Variants in FBXO11 observed in about 807,000 individuals in gnomAD.
FBXO11 encodes F-box protein 11.
A neutral mutation model predicts 117.0 loss-of-function variants in FBXO11; 13 were observed. That is an observed-to-expected ratio of 0.11 (90% CI 0.07 to 0.18). The LOEUF (loss-of-function observed/expected upper bound fraction) is 0.18. Ranked by LOEUF, FBXO11 falls within the 10% of genes least tolerant of loss-of-function variation. FBXO11 has a pLI of 1.00. For synonymous variants in FBXO11, 490 were observed against 380.5 expected (o/e 1.29, Z -3.35); for missense variants, 767 against 1,164.4 (o/e 0.66, Z 4.97).
intron 1 of FBXO11, among the ~76,000 whole-genome samples, chr2:47,898,557 G>C (rs1277920593): frequency 6.6e-6 from 1 of 152,134 alleles, no homozygotes; most frequent in Non-Finnish European, 1.5e-5. Context: ...ACCCTTCTTT[G>C]TATAATGAGT....
At chr2:47,833,222 A>G in intron 7 of FBXO11, 152 bp from the exon 8 acceptor site, 1 of 609,340 alleles carries the variant, frequency 1.6e-6, no homozygotes, top group Non-Finnish European at 2.9e-6. Flanking sequence ...AGCCTTTGCT[A>G]TATTCAAATC....
rs531513517 is a variant in FBXO11, at chr2:47,819,763, A to C, written c.1797+599T>G. On this transcript the variant is annotated intron_variant, in intron 14 of 22. Coordinates refer to ENST00000403359, the MANE Select transcript of FBXO11 (RefSeq NM_001190274.2). ...CAAAATGATATGGCTTCATGTTCCC[A>C]AAATTTTTACTTTTAGCAGGTAACT... 3.3e-5 allele frequency among the ~76,000 whole-genome samples: 5 copies of C among 152,304 alleles called. No homozygotes were observed. The East Asian group carries it at 7.7e-4, about 23-fold the overall frequency.
intron 1 of FBXO11, among the ~76,000 whole-genome samples, chr2:47,847,619 G>A (rs1399658107): frequency 2.6e-5 from 4 of 152,044 alleles, no homozygotes; most frequent in Admixed American, 6.6e-5. Flanking sequence ...TAAGGCAGGA[G>A]AACCGCTTGA....
At chr2:47,821,890 A>G (rs2104729003) in intron 13 of FBXO11, among the ~76,000 whole-genome samples, 1 of 152,274 alleles carries the variant, frequency 6.6e-6, no homozygotes, top group African/African-American at 2.4e-5. Flanking sequence ...CCAGGAGTTC[A>G]AGACCAGCCT....
chr2:47,816,392 G>A (rs951608057), intron 16 of FBXO11, among the ~76,000 whole-genome samples: 1 of 152,058 alleles, frequency 6.6e-6, no homozygotes. Context: ...TGTTGCCCAG[G>A]CTGATCTTGA....
intron 1 of FBXO11, among the ~76,000 whole-genome samples, chr2:47,901,042 TACATATATAC>T (rs1364503443): frequency 1.5e-5 from 2 of 137,048 alleles, no homozygotes; most frequent in African/African-American, 5.3e-5. Context: ...CACACGTGTG[TACATATATAC>T]ACATATATAT....
intron 3 of FBXO11, 86 bp downstream of exon 3, chr2:47,839,333 G>GA: frequency 8.1e-7 from 1 of 1,230,024 alleles, no homozygotes; most frequent in Non-Finnish European, 1.2e-6. Context: ...GGTAATACTC[G>GA]AATACACTTA....
At position 47,807,521 on chromosome 2, in the gene FBXO11, TACTGGG is replaced by T. The variant is rs1013220641; in HGVS notation, c.*591_*596del. 4.8e-6 allele frequency: 1 copy of T among 210,406 alleles called. No homozygotes were observed. Among genetic ancestry groups the T allele is most frequent in the African/African-American group, 2.3e-5 (1 of 44,090 alleles). The allele number at this position is 210,406 out of a possible 1,614,324, so 13.0% of individuals were successfully genotyped here. A position where few individuals can be genotyped will look rare whatever the true frequency, so the allele number is the denominator to read the frequency against. On this transcript the variant is annotated 3_prime_UTR_variant, in exon 23 of 23. Transcript: ENST00000403359. Reference sequence around the variant, plus strand: ...TTCTCTTTCATAGAAAGAACGTACATACTGGGACATGAGTACAGTTACAGCAAGTCT... The same window carrying T: ...TTCTCTTTCATAGAAAGAACGTACATACATGAGTACAGTTACAGCAAGTCT...
At chr2:47,869,897 G>C (rs1161956956) in intron 1 of FBXO11, among the ~76,000 whole-genome samples, 2 of 152,092 alleles carry the variant, frequency 1.3e-5, no homozygotes, top group Non-Finnish European at 2.9e-5. Context: ...GGCTAGTCTT[G>C]AACTCCTGAC....
chr2:47,848,590 A>G (rs1673601865), intron 1 of FBXO11, among the ~76,000 whole-genome samples: 1 of 152,246 alleles, frequency 6.6e-6, no homozygotes, highest in South Asian at 2.1e-4. Flanking sequence ...ACACACATAT[A>G]TAATATCAAA....
chr2:47,884,193 T>C (rs1356599935), intron 1 of FBXO11, among the ~76,000 whole-genome samples: 1 of 152,196 alleles, frequency 6.6e-6, no homozygotes, highest in African/African-American at 2.4e-5. Flanking sequence ...CACTCCAGCC[T>C]GGGTGACAGA....
intron 18 of FBXO11, 111 bp from the exon 19 acceptor site, chr2:47,810,537 T>C: frequency 1.7e-6 from 1 of 598,510 alleles, no homozygotes; most frequent in East Asian, 3.1e-5. Context: ...ATGGTAAAAT[T>C]CACAGGACTA....
At chr2:47,885,981 C>T (rs1277479213) in intron 1 of FBXO11, among the ~76,000 whole-genome samples, 1 of 135,746 alleles carries the variant, frequency 7.4e-6, no homozygotes, top group Non-Finnish European at 1.8e-5. Context: ...TCTCAAGTAT[C>T]TCATGTATTC....
At chr2:47,904,881 G>C (rs962254165) in intron 1 of FBXO11, among the ~76,000 whole-genome samples, 2 of 152,022 alleles carry the variant, frequency 1.3e-5, no homozygotes, top group Admixed American at 1.3e-4. Context: ...CAAACACTGT[G>C]GGGTTGGGAG....
In FBXO11 at chr2:47,809,434, A is replaced by G. The variant is rs980908515; in HGVS notation, c.2446+166T>C. On this transcript the variant is annotated intron_variant, in intron 20 of 22. Coordinates refer to ENST00000403359, the MANE Select transcript of FBXO11 (RefSeq NM_001190274.2). ...CAGCTAAGAATAGAATTTTCCTTGT[A>G]TAAGATACTCCAACCATTTAGAACC... 21 of 691,370 alleles carry G rather than the reference A, an allele frequency of 3.0e-5. 1 individual carries two copies. The highest frequency in any genetic ancestry group is 9.3e-5 in the Admixed American group (3 of 32,278). 42.8% of individuals were successfully genotyped at this position (691,370 alleles called of 1,614,324 possible).
At position 47,905,589 on chromosome 2, in the gene FBXO11, CTGCTGCTGG is replaced by C; in HGVS notation, c.123_131del (p.Gln42_Gln44del). On this transcript the variant is annotated inframe_deletion, in exon 1 of 23. Coordinates refer to ENST00000403359, the MANE Select transcript of FBXO11 (RefSeq NM_001190274.2). ...GCTGCTGCTGCGGCGGCGGCGGAGGCTGCTGCTGGGGCGGCTGCTGCTGGGGCGGCTGCG... is the reference window on the plus strand; with the variant it reads ...GCTGCTGCTGCGGCGGCGGCGGAGGCGGCGGCTGCTGCTGGGGCGGCTGCG... 2 of 1,271,466 alleles carry C rather than the reference CTGCTGCTGG, an allele frequency of 1.6e-6. No individual in the cohort carries two copies. Among genetic ancestry groups the C allele is most frequent in the Non-Finnish European group, 2.0e-6 (2 of 1,012,120 alleles). The allele number at this position is 1,271,466 out of a possible 1,614,324, so 78.8% of individuals were successfully genotyped here.
chr2:47,905,529 A>AGGCGGCGGTGGC lies in FBXO11; in HGVS notation c.180_191dup (p.Pro63_Pro66dup), dbSNP rs1448536295. The AGGCGGCGGTGGC allele has an allele frequency of 6.5e-6, 8 of 1,235,244 alleles. No individual in the cohort carries two copies. The highest frequency in any genetic ancestry group is 8.1e-6 in the Non-Finnish European group (8 of 991,732). 76.5% of individuals were successfully genotyped at this position (1,235,244 alleles called of 1,614,324 possible). A position where few individuals can be genotyped will look rare whatever the true frequency, so the allele number is the denominator to read the frequency against. On this transcript the variant is annotated inframe_insertion, in exon 1 of 23. Coordinates refer to ENST00000403359, the MANE Select transcript of FBXO11 (RefSeq NM_001190274.2). ...TGTTCCGCTCCTGAGGCAGCGGCGG[A>AGGCGGCGGTGGC]GGCGGCGGTGGCGGCGGCGGAGGCT...
chr2:47,827,345 C>T (rs978130331), intron 11 of FBXO11, among the ~76,000 whole-genome samples: 8 of 152,146 alleles, frequency 5.3e-5, no homozygotes, highest in Non-Finnish European at 1.0e-4. Context: ...GAGTGTCTGT[C>T]GCCCAGGCTG....
chr2:47,809,032 T>G (rs1670430661), intron 21 of FBXO11, 126 bp downstream of exon 21: 2 of 594,864 alleles, frequency 3.4e-6, no homozygotes, highest in South Asian at 2.2e-5. Flanking sequence ...TCAAGTAGAT[T>G]GATGATAAAA....
Sources: allele counts gnomAD v4.1 joint callset (sites outside exome capture counted in the v4.1 genomes callset), GRCh38; gene constraint gnomAD v4.1.1; transcripts MANE v1.5; gene names NCBI Gene and HGNC (gene_info 2026-07-23, HGNC 2026-07-21).